The following WWOX variants were observed in gnomAD, a reference collection of about 807,000 sequenced individuals.
WWOX encodes WW domain-containing oxidoreductase.
In WWOX, 69 loss-of-function variants were observed where a neutral mutation model predicts 46.2. The observed-to-expected ratio is 1.49, with a 90% CI of 1.23 to 1.82. The LOEUF (loss-of-function observed/expected upper bound fraction) is 1.82, where lower values mean the gene tolerates loss of function less well. WWOX is among the 40% of genes most tolerant of loss of function. WWOX has a pLI of 0.00. For missense variants in WWOX, 919 were observed against 542.6 expected (o/e 1.69, Z -6.89); for synonymous variants, 359 against 202.6 (o/e 1.77, Z -6.56).
intron 8 of WWOX, among the ~76,000 whole-genome samples, chr16:78,838,778 G>C (rs971026531): frequency 4.6e-5 from 7 of 152,192 alleles, no homozygotes; most frequent in Non-Finnish European, 8.8e-5. Context: ...GGGAGTCAGA[G>C]GTTGCAGTGA....
At position 78,472,210 on chromosome 16, in the gene WWOX, A is replaced by T. The variant is rs2084239354; in HGVS notation, c.1056+39458A>T. On this transcript the variant is annotated intron_variant, in intron 8 of 8. Transcript: ENST00000566780. Reference sequence around the variant, plus strand: ...ACCACCTAGAAGCACCAATACAAGGAACTGGCTGCATATTGCATTCCTGTG... The same window carrying T: ...ACCACCTAGAAGCACCAATACAAGGTACTGGCTGCATATTGCATTCCTGTG... 3.9e-5 allele frequency among the ~76,000 whole-genome samples: 6 copies of T among 152,294 alleles called. No individual in the cohort carries two copies. In the South Asian group the frequency reaches 1.2e-3, roughly 32 times the overall value.
At chr16:78,557,545 C>T (rs191024005) in intron 8 of WWOX, among the ~76,000 whole-genome samples, 7 of 152,178 alleles carry the variant, frequency 4.6e-5, no homozygotes, top group South Asian at 4.2e-4. Context: ...ACGTTTTTGT[C>T]GTCTTTGAGT....
At chr16:78,837,803 A>G (rs866232107) in intron 8 of WWOX, among the ~76,000 whole-genome samples, 9 of 152,322 alleles carry the variant, frequency 5.9e-5, no homozygotes, top group African/African-American at 1.9e-4. Context: ...TGGTGTTAGG[A>G]GTCTTATATT....
intron 8 of WWOX, among the ~76,000 whole-genome samples, chr16:78,953,166 C>G (rs1389738072): frequency 6.6e-6 from 1 of 152,092 alleles, no homozygotes; most frequent in Non-Finnish European, 1.5e-5. Flanking sequence ...CTGGGAAGTT[C>G]AGCCGTGGTT....
chr16:78,562,163 A>C (rs932181146), intron 8 of WWOX, among the ~76,000 whole-genome samples: 1 of 152,144 alleles, frequency 6.6e-6, no homozygotes, highest in African/African-American at 2.4e-5. Context: ...GCTCTCTGGA[A>C]ATCTCTAGCT....
intron 8 of WWOX, among the ~76,000 whole-genome samples, chr16:79,073,288 T>C (rs2048587007): frequency 6.6e-6 from 1 of 151,992 alleles, no homozygotes; most frequent in Non-Finnish European, 1.5e-5. Context: ...CAAGTGGTTC[T>C]TCTGCCTCAG....
intron 8 of WWOX, among the ~76,000 whole-genome samples, chr16:78,518,607 G>A (rs1382599608): frequency 1.3e-5 from 2 of 152,158 alleles, no homozygotes; most frequent in African/African-American, 4.8e-5. Flanking sequence ...TATAATTTTA[G>A]CCTTAGCAAC....
intron 8 of WWOX, among the ~76,000 whole-genome samples, chr16:78,569,684 G>A (rs1366942961): frequency 2.0e-5 from 3 of 152,164 alleles, no homozygotes; most frequent in Non-Finnish European, 2.9e-5. Flanking sequence ...TCAGTGAGCA[G>A]GAAAATTAGC....
At chr16:78,708,963 T>C (rs1219847523) in intron 8 of WWOX, among the ~76,000 whole-genome samples, 1 of 152,100 alleles carries the variant, frequency 6.6e-6, no homozygotes, top group Non-Finnish European at 1.5e-5. Context: ...CAGTGTCACT[T>C]GCACATCCAT....
chr16:79,099,104 G>A (rs192951873), intron 8 of WWOX, among the ~76,000 whole-genome samples: 1 of 152,264 alleles, frequency 6.6e-6, no homozygotes, highest in Admixed American at 6.5e-5. Context: ...GAAGGGAAGT[G>A]CCAGGCTCTT....
intron 8 of WWOX, among the ~76,000 whole-genome samples, chr16:78,810,124 G>A (rs1251083325): frequency 5.9e-5 from 9 of 152,334 alleles, no homozygotes; most frequent in Admixed American, 3.3e-4. Flanking sequence ...GGGAAGAGGA[G>A]CCCTCATACA....
intron 8 of WWOX, among the ~76,000 whole-genome samples, chr16:78,764,083 G>C (rs7197649): frequency 0.59 from 89,237 of 151,842 alleles, 27,778 homozygotes; most frequent in Non-Finnish European, 0.7. Flanking sequence ...AAGGGTTGAT[G>C]TGAGTAGGAT....
intron 8 of WWOX, among the ~76,000 whole-genome samples, chr16:78,798,756 T>C (rs1165611197): frequency 6.6e-6 from 1 of 152,184 alleles, no homozygotes; most frequent in Non-Finnish European, 1.5e-5. Context: ...TTGTGTGTAA[T>C]TTTTCTACTA....
intron 8 of WWOX, among the ~76,000 whole-genome samples, chr16:79,093,061 G>C (rs965397927): frequency 2.6e-5 from 4 of 152,174 alleles, no homozygotes; most frequent in Admixed American, 6.5e-5. Flanking sequence ...CAGTTCAACA[G>C]CTGTAAAGAA....
intron 8 of WWOX, among the ~76,000 whole-genome samples, chr16:78,559,440 T>A (rs1330343418): frequency 1.3e-5 from 2 of 152,174 alleles, no homozygotes. Context: ...AATTCTAGCA[T>A]GAGACTGGGA....
chr16:78,993,957 C>T (rs2046938919), intron 8 of WWOX, among the ~76,000 whole-genome samples: 1 of 152,148 alleles, frequency 6.6e-6, no homozygotes, highest in South Asian at 2.1e-4. Context: ...GGCATTGTTC[C>T]CTGGGCAAGC....
intron 8 of WWOX, among the ~76,000 whole-genome samples, chr16:78,516,585 T>A (rs900273053): frequency 7.9e-5 from 12 of 152,190 alleles, no homozygotes; most frequent in African/African-American, 2.9e-4. Context: ...TTGGCCTGTT[T>A]CTACAATTTT....
rs150895579 is a variant in WWOX at position 78,494,436 on chromosome 16, T to A, written c.1056+61684T>A. ...AGGTTCAAATCTCAAAGTGATGTCT[T>A]TCCTTTTGCATTTTGGATGGTTTAA... On this transcript the variant is annotated intron_variant, in intron 8 of 8. Coordinates refer to ENST00000566780, the MANE Select transcript of WWOX (RefSeq NM_016373.4). 4.6e-5 allele frequency among the ~76,000 whole-genome samples: 7 copies of A among 152,260 alleles called. No homozygotes were observed. In the East Asian group the frequency reaches 1.4e-3, roughly 30 times the overall value.
intron 8 of WWOX, among the ~76,000 whole-genome samples, chr16:79,174,621 C>T (rs991755338): frequency 6.6e-6 from 1 of 152,182 alleles, no homozygotes; most frequent in African/African-American, 2.4e-5. Flanking sequence ...GCACTCCAGC[C>T]TGGGCAACAA....
Sources: gnomAD v4.1 joint callset for allele counts (sites outside exome capture counted in the v4.1 genomes callset) on GRCh38, gnomAD v4.1.1 for gene constraint, MANE v1.5 for transcripts, NCBI Gene and HGNC (gene_info 2026-07-23, HGNC 2026-07-21) for gene names.